Variants in KHDRBS3 observed in about 807,000 individuals in gnomAD.
KHDRBS3 encodes the protein KH RNA binding domain containing, signal transduction associated 3, also known as KH domain-containing, RNA-binding, signal transduction-associated protein 3.
KHDRBS3 carries 23 observed loss-of-function variants against 45.6 expected under a neutral mutation model. The observed-to-expected ratio is 0.50, with a 90% confidence interval of 0.36 to 0.72. KHDRBS3 has a LOEUF of 0.72. KHDRBS3 is among the 30% of genes least tolerant of loss of function. The pLI is 0.00. For synonymous variants in KHDRBS3, 162 were observed against 156.5 expected, an observed-to-expected ratio of 1.04 and a Z score of -0.26; for missense variants, 352 against 424.8, an observed-to-expected ratio of 0.83 and a Z score of 1.51.
At chr8:135,563,186 C>A (rs1827247049) in intron 5 of KHDRBS3, among the ~76,000 whole-genome samples, 1 of 152,186 alleles carries the variant, frequency 6.6e-6, no homozygotes, top group Non-Finnish European at 1.5e-5. Flanking sequence ...TATGCACTTA[C>A]ATAATCCAGC....
rs1821197857 is a variant in KHDRBS3, at chr8:135,457,935, C to T, written c.69C>T (p.Ala23=). 6.2e-7 allele frequency: 1 copy of T among 1,600,288 alleles called. No individual in the cohort carries two copies. Among genetic ancestry groups the T allele is most frequent in the Non-Finnish European group, 8.5e-7 (1 of 1,174,258 alleles). ...CCCTGGACCCCTCCTTCACGCACGC[C>T]CTGCGCCTGGTGAACCAAGGTGAGG... ...KDSLDPSFTH[A]LRLVNQEIEK... is the part of the protein sequence containing the mutation. The change falls in exon 1 of 9, where the codon GCC becomes GCT. Residue 23 remains alanine, a synonymous_variant. Transcript: ENST00000355849. The surrounding 1 kb of genome is among the most constrained non-coding windows in gnomAD (Gnocchi z 4.4).
At chr8:135,589,628 G>A (rs1828648854) in intron 6 of KHDRBS3, among the ~76,000 whole-genome samples, 1 of 152,170 alleles carries the variant, frequency 6.6e-6, no homozygotes, top group African/African-American at 2.4e-5. Flanking sequence ...AGCATAGTTA[G>A]CAGCATCTTC....
intron 7 of KHDRBS3, among the ~76,000 whole-genome samples, chr8:135,634,578 T>C (rs1563821744): frequency 6.6e-6 from 1 of 152,240 alleles, no homozygotes; most frequent in Non-Finnish European, 1.5e-5. Flanking sequence ...TTTCTTATAT[T>C]CTTGGCACTA....
intron 1 of KHDRBS3, among the ~76,000 whole-genome samples, chr8:135,490,374 C>A (rs1415808008): frequency 6.6e-6 from 1 of 152,144 alleles, no homozygotes; most frequent in Non-Finnish European, 1.5e-5. Flanking sequence ...GAACACATCC[C>A]CTTTTTTCTC....
intron 1 of KHDRBS3, among the ~76,000 whole-genome samples, chr8:135,494,451 TG>T (rs766475015): frequency 2.6e-5 from 4 of 152,024 alleles, no homozygotes; most frequent in Non-Finnish European, 5.9e-5. Context: ...GCTACTTTTT[TG>T]CATTTTTAGT....
At chr8:135,579,040 G>C (rs975173869) in intron 5 of KHDRBS3, among the ~76,000 whole-genome samples, 4 of 152,048 alleles carry the variant, frequency 2.6e-5, no homozygotes, top group African/African-American at 9.7e-5. Context: ...TTATTACCTT[G>C]TTTTACTAGC....
At chr8:135,495,797 G>T (rs1267668683) in intron 1 of KHDRBS3, among the ~76,000 whole-genome samples, 6 of 152,140 alleles carry the variant, frequency 3.9e-5, no homozygotes, top group African/African-American at 1.4e-4. Context: ...GGAGTGAGAA[G>T]AGTGGTGAAG....
intron 1 of KHDRBS3, among the ~76,000 whole-genome samples, chr8:135,513,362 A>G (rs901673282): frequency 2.8e-4 from 42 of 152,300 alleles, no homozygotes; most frequent in African/African-American, 1.0e-3. Context: ...TGGACCAGGT[A>G]TTGTTGTTCT....
At chr8:135,613,236 A>G (rs746769167) in intron 7 of KHDRBS3, among the ~76,000 whole-genome samples, 11 of 151,964 alleles carry the variant, frequency 7.2e-5, no homozygotes, top group African/African-American at 1.5e-4. Context: ...GTGCCGATGT[A>G]TTATCAGAAA....
At chr8:135,611,842 C>T (rs1018561869) in intron 7 of KHDRBS3, among the ~76,000 whole-genome samples, 1 of 151,700 alleles carries the variant, frequency 6.6e-6, no homozygotes, top group African/African-American at 2.4e-5. Flanking sequence ...ACTCTAACAC[C>T]GGTTTAAGCA....
At chr8:135,650,685 C>A (rs140803021), downstream of KHDRBS3, among the ~76,000 whole-genome samples, 15 of 152,254 alleles carry the variant, frequency 9.9e-5, no homozygotes, top group African/African-American at 3.4e-4. Flanking sequence ...TACAGTGGCT[C>A]CTCCCTTAGA....
intron 4 of KHDRBS3, among the ~76,000 whole-genome samples, chr8:135,552,537 C>T (rs891017917): frequency 1.3e-5 from 2 of 152,078 alleles, no homozygotes; most frequent in African/African-American, 4.8e-5. Context: ...TTTCCTGTTT[C>T]TTTGCATGTT....
At chr8:135,604,227 T>C (rs988872818) in intron 6 of KHDRBS3, among the ~76,000 whole-genome samples, 1 of 152,050 alleles carries the variant, frequency 6.6e-6, no homozygotes, top group Non-Finnish European at 1.5e-5. Flanking sequence ...CTAATGTTAG[T>C]ATTATAGCTA....
intron 6 of KHDRBS3, among the ~76,000 whole-genome samples, chr8:135,587,248 A>G (rs755534879): frequency 6.6e-6 from 1 of 152,194 alleles, no homozygotes; most frequent in Non-Finnish European, 1.5e-5. Context: ...GTAACAAAAT[A>G]TTCCCTGAGT....
intron 1 of KHDRBS3, among the ~76,000 whole-genome samples, chr8:135,492,050 G>A (rs1823180487): frequency 6.6e-6 from 1 of 151,138 alleles, no homozygotes; most frequent in Non-Finnish European, 1.5e-5. Context: ...ATATTTGTTT[G>A]TGACAAAAAG....
intron 7 of KHDRBS3, among the ~76,000 whole-genome samples, chr8:135,641,997 G>A (rs766529780): frequency 1.4e-4 from 21 of 152,066 alleles, no homozygotes; most frequent in Non-Finnish European, 2.6e-4. Flanking sequence ...ATATTATTCC[G>A]TGAGGGAAAA....
Position 135,476,588 on chromosome 8 carries a change from GT to G in KHDRBS3, c.88+18635del, listed in dbSNP as rs200896556. Among the ~76,000 whole-genome samples the G allele has an allele frequency of 3.3e-4, 50 of 152,130 alleles. 1 individual carries two copies. The East Asian group carries it at 7.3e-3, about 22-fold the overall frequency. Reference sequence around the variant, plus strand: ...CACTTGCTTTTCCCTCTGCCTTTTCGTGCTAGGTGTGTTGTATTATCTAAAG... The same window carrying G: ...CACTTGCTTTTCCCTCTGCCTTTTCGGCTAGGTGTGTTGTATTATCTAAAG... On this transcript the variant is annotated intron_variant, in intron 1 of 8. Transcript: ENST00000355849.
chr8:135,467,403 C>T (rs750880951), intron 1 of KHDRBS3, among the ~76,000 whole-genome samples: 19 of 152,364 alleles, frequency 1.2e-4, no homozygotes, highest in Middle Eastern at 3.4e-3. Flanking sequence ...ATCTACAGTT[C>T]ACATGCTGAT....
intron 7 of KHDRBS3, among the ~76,000 whole-genome samples, chr8:135,617,684 C>T (rs770218092): frequency 1.3e-5 from 2 of 152,142 alleles, no homozygotes; most frequent in African/African-American, 4.8e-5. Flanking sequence ...GGCATGTGAA[C>T]CCAGGCAGTC....
Sources: gnomAD v4.1 joint callset for allele counts (sites outside exome capture counted in the v4.1 genomes callset) on GRCh38, gnomAD v4.1.1 for gene constraint, Gnocchi (gnomAD v3.1) non-coding constraint, MANE v1.5 for transcripts, NCBI Gene and HGNC (gene_info 2026-07-23, HGNC 2026-07-21) for gene names.